Variants in ADK observed in about 807,000 individuals in gnomAD.
ADK encodes adenosine kinase.
ADK carries 24 observed loss-of-function variants against 44.7 expected under a neutral mutation model. That is an observed-to-expected ratio of 0.54 (90% CI 0.39 to 0.76). The LOEUF is 0.76. Ranked by LOEUF, ADK falls within the 30% of genes least tolerant of loss-of-function variation. The probability of loss-of-function intolerance (pLI) is 0.00; values close to 1 mark genes in which losing one functional copy is unlikely to be tolerated. For synonymous variants in ADK, 128 were observed against 142.6 expected, an observed-to-expected ratio of 0.90 and a Z score of 0.73; for missense variants, 321 against 425.1, an observed-to-expected ratio of 0.76 and a Z score of 2.15.
intron 8 of ADK, among the ~76,000 whole-genome samples, chr10:74,591,489 T>C (rs2133929158): frequency 6.6e-6 from 1 of 152,280 alleles, no homozygotes; most frequent in South Asian, 2.1e-4. Flanking sequence ...CTCAAATAGA[T>C]ATTTTTAATC....
intron 6 of ADK, among the ~76,000 whole-genome samples, chr10:74,490,219 T>C (rs1847426591): frequency 6.6e-6 from 1 of 152,092 alleles, no homozygotes. Flanking sequence ...ATTAAAATGT[T>C]TGAGGAAATA....
rs191371595 is a variant in ADK, at chr10:74,348,487, C to T, written c.273+33742C>T. On this transcript the variant is annotated intron_variant, in intron 4 of 10. Transcript: ENST00000539909. ...ATCCATGATGATGAGGAAAAACCAGCGCAAAAACGGTGAAAATTCCAAAAA... is the reference window on the plus strand; with the variant it reads ...ATCCATGATGATGAGGAAAAACCAGTGCAAAAACGGTGAAAATTCCAAAAA... 7.9e-4 allele frequency among the ~76,000 whole-genome samples: 120 copies of T among 152,110 alleles called. 1 individual carries two copies. Among genetic ancestry groups the T allele is most frequent in the Middle Eastern group, 3.4e-3 (1 of 294 alleles).
intron 4 of ADK, among the ~76,000 whole-genome samples, chr10:74,358,157 A>G (rs1321183267): frequency 6.6e-6 from 1 of 152,220 alleles, no homozygotes; most frequent in Non-Finnish European, 1.5e-5. Flanking sequence ...ATTGCAACAG[A>G]TGCAAAATTA....
chr10:74,586,201 T>C (rs1851519942), intron 7 of ADK, among the ~76,000 whole-genome samples: 1 of 152,204 alleles, frequency 6.6e-6, no homozygotes, highest in Admixed American at 6.5e-5. Context: ...TGCAGTGATA[T>C]GAGCCAGCTG....
rs61022417 is a variant in ADK at position 74,239,715 on chromosome 10, CAAAAAAAAA to C, written c.194+15142_194+15150del. On this transcript the variant is annotated intron_variant, in intron 3 of 10. Coordinates refer to ENST00000539909, the MANE Select transcript of ADK (RefSeq NM_006721.4). The stretch of plus-strand genomic sequence containing the variant: ...TGGGTGAGAAAGTGAGACCTTGTCT[CAAAAAAAAA>C]AAAAAAAAAAAAAAAAAGACACAAT... Among the ~76,000 whole-genome samples the C allele has an allele frequency of 3.3e-3, 281 of 85,038 alleles. 2 individuals are homozygous for C. Among genetic ancestry groups the C allele is most frequent in the African/African-American group, 0.011 (225 of 20,674 alleles). The allele number at this position is 85,038 out of a possible 152,430, so 55.8% of individuals were successfully genotyped here. A position where few individuals can be genotyped will look rare whatever the true frequency, so the allele number is the denominator to read the frequency against.
At chr10:74,236,702 A>C (rs1301525187) in intron 3 of ADK, among the ~76,000 whole-genome samples, 1 of 152,198 alleles carries the variant, frequency 6.6e-6, no homozygotes, top group Non-Finnish European at 1.5e-5. Flanking sequence ...AGACTATCAC[A>C]ATAAAGTGAA....
chr10:74,290,618 A>C (rs1238068884), intron 3 of ADK, among the ~76,000 whole-genome samples: 3 of 151,982 alleles, frequency 2.0e-5, no homozygotes, highest in Non-Finnish European at 2.9e-5. Flanking sequence ...GAAAAAAAAA[A>C]CCCTAATTTT....
At chr10:74,185,070 A>G (rs11000909) in intron 1 of ADK, among the ~76,000 whole-genome samples, 19,813 of 152,244 alleles carry the variant, frequency 0.13, 1,290 homozygotes, top group Middle Eastern at 0.2. Flanking sequence ...TACCTATCCT[A>G]CATGGGTGTT....
intron 10 of ADK, among the ~76,000 whole-genome samples, chr10:74,698,174 T>C (rs1428360318): frequency 2.6e-5 from 4 of 152,182 alleles, no homozygotes; most frequent in Non-Finnish European, 4.4e-5. Context: ...CTCCTAAAGC[T>C]GGGAAAAGCC....
In ADK at chr10:74,591,557, C is replaced by G. The variant is rs113512245; in HGVS notation, c.762+2240C>G. ...GAAATTCAATGATTTTATAATGTCACTAAAGTTTCCTAGGTCATTAGACAG... is the reference window on the plus strand; with the variant it reads ...GAAATTCAATGATTTTATAATGTCAGTAAAGTTTCCTAGGTCATTAGACAG... On this transcript the variant is annotated intron_variant, in intron 8 of 10. Transcript: ENST00000539909. Among the ~76,000 whole-genome samples, 393 of 152,202 alleles carry G rather than the reference C, an allele frequency of 2.6e-3. 3 individuals are homozygous for G. Among genetic ancestry groups the G allele is most frequent in the African/African-American group, 9.0e-3 (375 of 41,526 alleles).
At chr10:74,234,214 T>C (rs983164519) in intron 3 of ADK, among the ~76,000 whole-genome samples, 7 of 152,224 alleles carry the variant, frequency 4.6e-5, no homozygotes, top group Non-Finnish European at 8.8e-5. Context: ...GAAAACTCTA[T>C]GTTGATTTCT....
intron 6 of ADK, among the ~76,000 whole-genome samples, chr10:74,510,819 C>T (rs770704732): frequency 6.6e-5 from 10 of 152,114 alleles, no homozygotes; most frequent in East Asian, 3.9e-4. Context: ...GCAGTTCTCC[C>T]GCCTCAGCCA....
chr10:74,300,334 CCTTCCTTCCTTCCTTCCTTCCTTCCTTT>C (rs1346661553), intron 3 of ADK, among the ~76,000 whole-genome samples: 6,205 of 88,348 alleles, frequency 0.07, 380 homozygotes, highest in Non-Finnish European at 0.093. Context: ...TTCCTTCCTT[CCTTCCTTCCTTCCTTCCTTCCTTCCTTT>C]CTTTCTTTCT....
intron 1 of ADK, among the ~76,000 whole-genome samples, chr10:74,175,953 A>G (rs1175778580): frequency 2.7e-5 from 4 of 150,000 alleles, no homozygotes; most frequent in Admixed American, 2.0e-4. Context: ...TTAGGGTGCC[A>G]TCCACTTTTC....
intron 1 of ADK, among the ~76,000 whole-genome samples, chr10:74,178,133 G>T (rs1051013674): frequency 4.0e-5 from 6 of 151,802 alleles, no homozygotes; most frequent in African/African-American, 1.5e-4. Flanking sequence ...TAGAGATGGG[G>T]GTTTCACCAT....
At chr10:74,534,845 A>C (rs896748236) in intron 7 of ADK, among the ~76,000 whole-genome samples, 6 of 152,236 alleles carry the variant, frequency 3.9e-5, no homozygotes, top group Non-Finnish European at 8.8e-5. Context: ...GCTCTCTGCT[A>C]TACCACCTTA....
At chr10:74,544,364 A>G (rs548389225) in intron 7 of ADK, among the ~76,000 whole-genome samples, 24 of 152,286 alleles carry the variant, frequency 1.6e-4, no homozygotes, top group African/African-American at 5.8e-4. Flanking sequence ...ACAATCAGGA[A>G]ATTCTGAGGG....
At chr10:74,473,690 G>A (rs4338470) in intron 6 of ADK, among the ~76,000 whole-genome samples, 102,468 of 152,142 alleles carry the variant, frequency 0.67, 35,411 homozygotes, top group Middle Eastern at 0.85. Context: ...CAAGGTGTAC[G>A]TAGTATCAAT....
intron 4 of ADK, among the ~76,000 whole-genome samples, chr10:74,383,042 T>A: frequency 6.6e-6 from 1 of 152,000 alleles, no homozygotes; most frequent in Non-Finnish European, 1.5e-5. Context: ...AGATTCATAC[T>A]CCTTCTTAGT....
Sources: allele counts gnomAD v4.1 joint callset (sites outside exome capture counted in the v4.1 genomes callset), GRCh38; gene constraint gnomAD v4.1.1; transcripts MANE v1.5; gene names NCBI Gene and HGNC (gene_info 2026-07-23, HGNC 2026-07-21).